Variants in ARID3B observed in about 807,000 individuals in gnomAD.
ARID3B encodes the protein AT-rich interaction domain 3B, also known as AT-rich interactive domain-containing protein 3B.
ARID3B carries 10 observed loss-of-function variants against 51.9 expected under a neutral mutation model. The observed-to-expected ratio is 0.19, with a 90% CI of 0.12 to 0.33. The LOEUF (loss-of-function observed/expected upper bound fraction) is 0.33. Among genes scored for constraint, ARID3B ranks in the 10% least tolerant of loss-of-function variants. The pLI is 1.00. For synonymous variants in ARID3B, 205 were observed against 279.5 expected, an observed-to-expected ratio of 0.73 and a Z score of 2.66; for missense variants, 483 against 716.3, an observed-to-expected ratio of 0.67 and a Z score of 3.72.
intron 7 of ARID3B, among the ~76,000 whole-genome samples, 164 bp from the exon 8 acceptor site, chr15:74,592,974 G>A (rs1449625745): frequency 6.6e-6 from 1 of 152,158 alleles, no homozygotes; most frequent in African/African-American, 2.4e-5. Context: ...CAGGAGATTG[G>A]CGAGCCTGGG....
At chr15:74,592,258 A>G (rs2061806625) in intron 7 of ARID3B, among the ~76,000 whole-genome samples, 1 of 152,206 alleles carries the variant, frequency 6.6e-6, no homozygotes, top group Non-Finnish European at 1.5e-5. Context: ...AGGAATATAG[A>G]CAGAAGGAGG....
chr15:74,588,280 C>T (rs1276148397), intron 4 of ARID3B, among the ~76,000 whole-genome samples: 2 of 151,846 alleles, frequency 1.3e-5, no homozygotes, highest in East Asian at 3.9e-4. Flanking sequence ...CCTGCCGCAG[C>T]AGCCCCACAT....
At chr15:74,580,371 A>G (rs1470928151) in intron 4 of ARID3B, among the ~76,000 whole-genome samples, 1 of 152,228 alleles carries the variant, frequency 6.6e-6, no homozygotes, top group Non-Finnish European at 1.5e-5. Flanking sequence ...AGCAAAGGCT[A>G]TTATAAACAA....
rs1193894133 is a variant in ARID3B, at chr15:74,596,461, C to G, written c.*687C>G. On this transcript the variant is annotated 3_prime_UTR_variant, in exon 9 of 9. Coordinates refer to ENST00000346246, the MANE Select transcript of ARID3B (RefSeq NM_006465.4). ...TGGGAAGGCAGAGCCTCGGGGCTGC[C>G]CAGCCCTGGCACCTGCTTCACACGG... The G allele has an allele frequency of 8.6e-6, 2 of 233,466 alleles. No individual in the cohort carries two copies. The highest frequency in any genetic ancestry group is 1.2e-4 in the East Asian group (2 of 16,600). 14.5% of individuals were successfully genotyped at this position (233,466 alleles called of 1,614,324 possible). A position where few individuals can be genotyped will look rare whatever the true frequency, so the allele number is the denominator to read the frequency against.
rs1264455014 is a variant in ARID3B at position 74,591,574 on chromosome 15, G to C, written c.1180G>C (p.Val394Leu). 1.2e-6 allele frequency: 2 copies of C among 1,610,988 alleles called. No individual in the cohort carries two copies. Among genetic ancestry groups the C allele is most frequent in the African/African-American group, 2.7e-5 (2 of 74,848 alleles). Residue 394 changes from valine to leucine, a missense_variant, in exon 7 of 9, where the codon GTG (valine) becomes CTG (leucine). Val to Leu is a conservative substitution (Grantham distance 32). Around this residue, in one of 3 missense-constraint regions of ARID3B, gnomAD observed 265 missense variants for 354.4 expected, o/e 0.75. Coordinates refer to ENST00000346246, the MANE Select transcript of ARID3B (RefSeq NM_006465.4). The surrounding 1 kb of genome is among the most constrained non-coding windows in gnomAD (Gnocchi z 5.8). ...TTCCTTTGCAGGTGATGGAGCCCCA[G>C]TGACAACAGTGCCTGTGCCAAATCG... ...TTLRKGDGAP[V>L]TTVPVPNRLA...
chr15:74,576,627 C>T (rs539699455), intron 4 of ARID3B, among the ~76,000 whole-genome samples: 2 of 152,024 alleles, frequency 1.3e-5, no homozygotes, highest in African/African-American at 2.4e-5. Context: ...CGCCACTGCC[C>T]TCCAGCCTGG....
chr15:74,568,242 T>TA (rs1232564684), intron 2 of ARID3B, among the ~76,000 whole-genome samples: 6 of 152,220 alleles, frequency 3.9e-5, no homozygotes, highest in Non-Finnish European at 8.8e-5. Flanking sequence ...CTCCCATTGA[T>TA]AGGAGCTGCC....
chr15:74,564,635 C>T (rs1046705756), intron 2 of ARID3B, among the ~76,000 whole-genome samples: 4 of 152,190 alleles, frequency 2.6e-5, no homozygotes, highest in Admixed American at 2.0e-4. Context: ...GGGTATCACT[C>T]TGTCACCTGG....
intron 4 of ARID3B, among the ~76,000 whole-genome samples, chr15:74,580,649 G>A (rs979697619): frequency 5.9e-5 from 9 of 152,188 alleles, no homozygotes; most frequent in African/African-American, 2.2e-4. Context: ...AAGGTTAAGT[G>A]ACTCACCTAA....
intron 2 of ARID3B, among the ~76,000 whole-genome samples, chr15:74,547,717 A>G (rs565438505): frequency 3.9e-4 from 60 of 152,374 alleles, no homozygotes; most frequent in South Asian, 8.3e-4. Context: ...CCAGTCTGCT[A>G]TGGCAGAGAT....
At chr15:74,541,672 A>C (rs947664418) in intron 1 of ARID3B, among the ~76,000 whole-genome samples, 17 of 99,254 alleles carry the variant, frequency 1.7e-4, no homozygotes, top group African/African-American at 6.4e-4. Flanking sequence ...GAATGGGGGG[A>C]GGTGAATAAA....
intron 2 of ARID3B, among the ~76,000 whole-genome samples, chr15:74,552,534 C>T (rs1044561181): frequency 1.3e-5 from 2 of 150,952 alleles, no homozygotes; most frequent in African/African-American, 4.9e-5. Context: ...GACATGTATC[C>T]GCCATTGTAG....
chr15:74,560,589 T>C (rs2061676286), intron 2 of ARID3B, among the ~76,000 whole-genome samples: 1 of 152,180 alleles, frequency 6.6e-6, no homozygotes, highest in African/African-American at 2.4e-5. Context: ...TCATGAAAAT[T>C]AAAACAATAT....
At chr15:74,580,811 A>G (rs1035510645) in intron 4 of ARID3B, among the ~76,000 whole-genome samples, 3 of 152,192 alleles carry the variant, frequency 2.0e-5, no homozygotes, top group Admixed American at 6.5e-5. Context: ...CTTCGGCAGC[A>G]TTCACCGCCT....
Position 74,596,035 on chromosome 15 carries a change from C to T in ARID3B, c.*261C>T. ...AACTGGGTGGGGGTCTGTGGGTGTC[C>T]AGCTTCCTCCAGGGTTCCCCAGCCA... On this transcript the variant is annotated 3_prime_UTR_variant, in exon 9 of 9. Coordinates refer to ENST00000346246, the MANE Select transcript of ARID3B (RefSeq NM_006465.4). 2.2e-6 allele frequency: 1 copy of T among 449,576 alleles called. No individual in the cohort carries two copies. Among genetic ancestry groups the T allele is most frequent in the Non-Finnish European group, 3.9e-6 (1 of 254,848 alleles). The allele number at this position is 449,576 out of a possible 1,614,324, so 27.8% of individuals were successfully genotyped here.
At chr15:74,593,117 C>G in intron 7 of ARID3B, 21 bp from the exon 8 acceptor site, 1 of 1,609,818 alleles carries the variant, frequency 6.2e-7, no homozygotes. Context: ...ACCAGGCCCA[C>G]TGTCTCCCTG....
At chr15:74,573,359 GA>G (rs1218055529) in intron 4 of ARID3B, 155 bp downstream of exon 4, 2 of 763,414 alleles carry the variant, frequency 2.6e-6, no homozygotes, top group Non-Finnish European at 4.5e-6. Flanking sequence ...CCAATTAACC[GA>G]TAGCCAGATT....
At chr15:74,552,024 A>G (rs150055134) in intron 2 of ARID3B, among the ~76,000 whole-genome samples, 1 of 65,720 alleles carries the variant, frequency 1.5e-5, no homozygotes, top group East Asian at 4.0e-4. Flanking sequence ...GCTTATGCTT[A>G]TTTTCTTTTC....
At chr15:74,588,878 G>A (rs890628002) in intron 4 of ARID3B, among the ~76,000 whole-genome samples, 1 of 151,900 alleles carries the variant, frequency 6.6e-6, no homozygotes, top group African/African-American at 2.4e-5. Flanking sequence ...TTGGTGTGGG[G>A]AGAGAATTGA....
Sources: allele counts gnomAD v4.1 joint callset (sites outside exome capture counted in the v4.1 genomes callset), GRCh38; gene constraint gnomAD v4.1.1; regional missense constraint gnomAD v4.1.1; non-coding constraint Gnocchi (gnomAD v3.1); transcripts MANE v1.5; gene names NCBI Gene and HGNC (gene_info 2026-07-23, HGNC 2026-07-21).